NEK4: variants seen among roughly 807,000 people sequenced by gnomAD.
NEK4 encodes the protein NIMA related kinase 4, also known as serine/threonine-protein kinase Nek4.
Under a neutral mutation model 98.4 loss-of-function variants are expected in NEK4, and 86 were observed. That is an observed-to-expected ratio of 0.87 (90% confidence interval 0.73 to 1.05). The LOEUF (loss-of-function observed/expected upper bound fraction) is 1.05, where lower values mean the gene tolerates loss of function less well. Ranked by LOEUF, NEK4 falls within the 50% of genes least tolerant of loss-of-function variation. The pLI is 0.00. For missense variants in NEK4, 898 were observed against 950.3 expected, an observed-to-expected ratio of 0.94 and a Z score of 0.72; for synonymous variants, 328 against 342.2, an observed-to-expected ratio of 0.96 and a Z score of 0.46.
At chr3:52,730,348 A>G (rs2097368405) in intron 15 of NEK4, among the ~76,000 whole-genome samples, 1 of 152,210 alleles carries the variant, frequency 6.6e-6, no homozygotes, top group African/African-American at 2.4e-5. Flanking sequence ...TGGTGATTCT[A>G]CCACACTTTG....
At chr3:52,737,419 G>T in intron 15 of NEK4, 167 bp downstream of exon 15, 2 of 638,866 alleles carry the variant, frequency 3.1e-6, no homozygotes, top group Non-Finnish European at 5.2e-6. Flanking sequence ...TAATGAAAAT[G>T]TTCTAATATC....
chr3:52,734,463 A>AAAAAAAG, intron 15 of NEK4, among the ~76,000 whole-genome samples: 1 of 151,028 alleles, frequency 6.6e-6, no homozygotes, highest in Non-Finnish European at 1.5e-5. Context: ...AAAAAAAAAA[A>AAAAAAAG]AAAGATCGAG....
chr3:52,746,125 T>G lies in NEK4; in HGVS notation c.1763A>C (p.Asn588Thr). The part of the protein sequence containing the change: ...DVTSTQKEAE[N>T]QRRVVTGSVS... ...AGACCCAGTGACCACTCTACGTTGG[T>G]TTTCAGCCTCTTTTTGTGTTGATGT... is the stretch of plus-strand genomic sequence containing the variant. The change falls in exon 10 of 16, where the codon AAC becomes ACC. Residue 588 changes from asparagine (N) to threonine (T), a missense_variant. Coordinates refer to ENST00000233027, the MANE Select transcript of NEK4 (RefSeq NM_003157.6). The G allele has an allele frequency of 3.7e-6, 6 of 1,614,192 alleles. No homozygotes were observed. The highest frequency in any genetic ancestry group is 4.2e-6 in the Non-Finnish European group (5 of 1,180,018).
At chr3:52,764,784 A>ATG (rs1327307993) in intron 4 of NEK4, among the ~76,000 whole-genome samples, 11 of 151,396 alleles carry the variant, frequency 7.3e-5, no homozygotes, top group Non-Finnish European at 7.4e-5. Flanking sequence ...ACATGCACAC[A>ATG]CACACACACA....
chr3:52,726,574 G>C lies in NEK4; in HGVS notation c.2433+11012C>G, dbSNP rs868484228. ...AGATCACACCACTGCACTCCAGCCT[G>C]GGCAACAGAGCAAGACTCCGTCTCA... On this transcript the variant is annotated intron_variant, in intron 15 of 15. Coordinates refer to ENST00000233027, the MANE Select transcript of NEK4 (RefSeq NM_003157.6). Among the ~76,000 whole-genome samples, 4 of 147,978 alleles carry C rather than the reference G, an allele frequency of 2.7e-5. 1 individual carries two copies. In the Middle Eastern group the frequency reaches 0.012, roughly 427 times the overall value.
At chr3:52,754,528 G>C (rs185197191) in intron 6 of NEK4, 12 of 1,305,710 alleles carry the variant, frequency 9.2e-6, no homozygotes, top group Middle Eastern at 5.2e-4. Flanking sequence ...CATGCAATTA[G>C]CTTTTCTCCA....
At chr3:52,745,731 T>C (rs1464669075) in intron 10 of NEK4, among the ~76,000 whole-genome samples, 3 of 151,914 alleles carry the variant, frequency 2.0e-5, no homozygotes, top group Non-Finnish European at 4.4e-5. Context: ...TTTTGGAGGG[T>C]TTCTGCTTTA....
Position 52,739,393 on chromosome 3 carries a change from C to T in NEK4, c.2299+36G>A, listed in dbSNP as rs190016718. The T allele has an allele frequency of 1.0e-5, 16 of 1,563,312 alleles. No homozygotes were observed. The East Asian group carries it at 1.8e-4, about 18-fold the overall frequency. On this transcript the variant is annotated intron_variant, in intron 14 of 15. Transcript: ENST00000233027. The stretch of plus-strand genomic sequence containing the variant: ...CAGCCTGGGTGACAGAGTGAGACTC[C>T]GTCTAAAAAACAAAAAATAATAATA...
intron 10 of NEK4, among the ~76,000 whole-genome samples, chr3:52,744,589 CAGG>C (rs2097392626): frequency 6.7e-6 from 1 of 149,578 alleles, no homozygotes; most frequent in Admixed American, 6.8e-5. Flanking sequence ...GAGGCTGAGG[CAGG>C]AGAATTGCTT....
intron 15 of NEK4, among the ~76,000 whole-genome samples, chr3:52,715,693 C>T (rs1340117707): frequency 6.6e-6 from 1 of 152,222 alleles, no homozygotes; most frequent in African/African-American, 2.4e-5. Flanking sequence ...CCAGCCTGAG[C>T]TGTTCTCTCA....
intron 15 of NEK4, among the ~76,000 whole-genome samples, chr3:52,712,467 TTTTAG>T (rs1193436255): frequency 6.6e-6 from 1 of 152,170 alleles, no homozygotes; most frequent in Non-Finnish European, 1.5e-5. Flanking sequence ...CAGGGTGCTC[TTTTAG>T]TTTAGCCATC....
At position 52,737,803 on chromosome 3, in the gene NEK4, A is replaced by G. The variant is rs752684274; in HGVS notation, c.2300-84T>C. The G allele has an allele frequency of 6.3e-6, 6 of 956,138 alleles. No individual in the cohort carries two copies. In the African/African-American group the frequency reaches 8.4e-5, roughly 13 times the overall value. 59.2% of individuals were successfully genotyped at this position (956,138 alleles called of 1,614,324 possible). ...ACACTGCAATTTTTTAAAATTTTGT[A>G]TTTTATTTTATTTATTTATTTTATT... On this transcript the variant is annotated intron_variant, in intron 14 of 15. Coordinates refer to ENST00000233027, the MANE Select transcript of NEK4 (RefSeq NM_003157.6).
Position 52,708,568 on chromosome 3 carries a change from A to G in NEK4, c.*3209T>C, listed in dbSNP as rs1011290505. The G allele has an allele frequency of 6.6e-6, 1 of 152,216 alleles. No homozygotes were observed. Among genetic ancestry groups the G allele is most frequent in the African/African-American group, 2.4e-5 (1 of 41,466 alleles). The allele number at this position is 152,216 out of a possible 1,614,324, so 9.4% of individuals were successfully genotyped here. A position where few individuals can be genotyped will look rare whatever the true frequency, so the allele number is the denominator to read the frequency against. On this transcript the variant is annotated 3_prime_UTR_variant, in exon 16 of 16. Transcript: ENST00000233027. The stretch of plus-strand genomic sequence containing the variant: ...AAACTAGCCATGATTCAAAGGTTCA[A>G]TAGCTATATGTGACTAGTGGCTACC...
intron 6 of NEK4, among the ~76,000 whole-genome samples, chr3:52,755,025 G>A (rs2154105655): frequency 6.7e-6 from 1 of 149,652 alleles, no homozygotes. Flanking sequence ...AGTGAGCCAA[G>A]GTCGCACCAC....
chr3:52,752,851 G>A (rs2097407624), intron 6 of NEK4, among the ~76,000 whole-genome samples: 2 of 142,368 alleles, frequency 1.4e-5, no homozygotes, highest in African/African-American at 5.2e-5. Context: ...AGTGAGCCGA[G>A]AGCCCGCCAC....
chr3:52,765,863 A>C, intron 4 of NEK4, 24 bp downstream of exon 4: 1 of 1,384,214 alleles, frequency 7.2e-7, no homozygotes, highest in Non-Finnish European at 1.0e-6. Flanking sequence ...AATACTGGTC[A>C]ATTAGTTCTA....
chr3:52,739,030 C>T (rs1023427248), intron 14 of NEK4, among the ~76,000 whole-genome samples: 3 of 152,088 alleles, frequency 2.0e-5, no homozygotes, highest in African/African-American at 7.2e-5. Flanking sequence ...TTTAAAAACA[C>T]AAAAAAATTT....
intron 13 of NEK4, 108 bp downstream of exon 13, chr3:52,741,303 A>AT: frequency 1.6e-6 from 1 of 623,270 alleles, no homozygotes; most frequent in African/African-American, 1.9e-5. Flanking sequence ...ACCATTTATA[A>AT]TTTTATCAGT....
At chr3:52,741,719 C>T (rs2097386565) in intron 12 of NEK4, among the ~76,000 whole-genome samples, 1 of 151,910 alleles carries the variant, frequency 6.6e-6, no homozygotes, top group South Asian at 2.1e-4. Flanking sequence ...CTCATAAAGT[C>T]CACAAGAATA....
Sources: gnomAD v4.1 joint callset for allele counts (sites outside exome capture counted in the v4.1 genomes callset) on GRCh38, gnomAD v4.1.1 for gene constraint, MANE v1.5 for transcripts, NCBI Gene and HGNC (gene_info 2026-07-23, HGNC 2026-07-21) for gene names.